Variants in LIMS2 observed in about 807,000 individuals in gnomAD.
The protein encoded by LIMS2 is LIM and senescent cell antigen-like-containing domain protein 2.
A neutral mutation model predicts 45.3 loss-of-function variants in LIMS2; 30 were observed. The observed-to-expected ratio is 0.66, with a 90% CI of 0.50 to 0.90. LIMS2 has a LOEUF of 0.90. Ranked by LOEUF, LIMS2 falls within the 40% of genes least tolerant of loss-of-function variation. The pLI is 0.00. For synonymous variants in LIMS2, 173 were observed against 188.0 expected (o/e 0.92, Z 0.65); for missense variants, 485 against 468.7 (o/e 1.03, Z -0.32).
In LIMS2 at chr2:127,675,441, C is replaced by A. The variant is rs530831269; in HGVS notation, c.-417G>T. 1.6e-3 allele frequency among the ~76,000 whole-genome samples: 237 copies of A among 151,990 alleles called. 1 individual carries two copies. The highest frequency in any genetic ancestry group is 9.4e-3 in the South Asian group (45 of 4,802). On this transcript the variant is annotated 5_prime_UTR_variant, in exon 1 of 10. Transcript: ENST00000355119. ...GTAAAGGTAGAGGGTGGGCCCCGCT[C>A]CCGCACAGCCCCAGCTCCAGGGACA... is the stretch of plus-strand genomic sequence containing the variant.
intron 4 of LIMS2, chr2:127,643,546 G>A (rs139622042): frequency 6.5e-4 from 298 of 456,676 alleles, no homozygotes; most frequent in African/African-American, 1.4e-3. Flanking sequence ...ACGTACAGGC[G>A]ATTTCTGTCT....
chr2:127,681,292 G>A (rs1434061856), intron 1 of LIMS2: 2 of 152,424 alleles, frequency 1.3e-5, no homozygotes, highest in Non-Finnish European at 2.9e-5. Flanking sequence ...GACCTCCCGG[G>A]GCCCTGTGCC....
chr2:127,645,118 G>A (rs1162894280), intron 4 of LIMS2, among the ~76,000 whole-genome samples: 2 of 152,180 alleles, frequency 1.3e-5, no homozygotes, highest in Non-Finnish European at 2.9e-5. Context: ...ACATGTGCTT[G>A]GGTTCAAATC....
At chr2:127,669,439 C>T in intron 1 of LIMS2, among the ~76,000 whole-genome samples, 1 of 152,096 alleles carries the variant, frequency 6.6e-6, no homozygotes, top group Non-Finnish European at 1.5e-5. Flanking sequence ...ATCGGCTGGG[C>T]ACGGTGGCTC....
At chr2:127,668,695 AAAAAAAAAAAAAAAAACACC>A (rs1558901429) in intron 1 of LIMS2, among the ~76,000 whole-genome samples, 8 of 117,338 alleles carry the variant, frequency 6.8e-5, no homozygotes, top group Admixed American at 1.7e-4. Flanking sequence ...AAAAAAAAAA[AAAAAAAAAAAAAAAAACACC>A]TTACTTAAAA....
At chr2:127,650,120 T>A in intron 4 of LIMS2, 1 of 1,544,484 alleles carries the variant, frequency 6.5e-7, no homozygotes, top group Non-Finnish European at 8.8e-7. Context: ...GTACAGCCCT[T>A]GCTGCCATCC....
intron 4 of LIMS2, chr2:127,650,533 G>A: frequency 3.4e-6 from 2 of 589,254 alleles, no homozygotes; most frequent in East Asian, 5.6e-5. Flanking sequence ...CTGAAGTTCA[G>A]AATGCCTCTG....
intron 1 of LIMS2, chr2:127,673,678 C>T: frequency 6.4e-7 from 1 of 1,551,500 alleles, no homozygotes; most frequent in Middle Eastern, 1.7e-4. Flanking sequence ...TCTCACCCAC[C>T]TCCACCTCAA....
rs756012858 is a variant in LIMS2, at chr2:127,654,743, G to A, written c.238+87C>T. The stretch of plus-strand genomic sequence containing the variant: ...GGGGAGTTAGGAAAGAGCTGGGCCA[G>A]TTCTGTGTACCCCCTCGGCCCCCTG... On this transcript the variant is annotated intron_variant, in intron 3 of 9. Transcript: ENST00000355119. 156 of 1,505,862 alleles carry A rather than the reference G, an allele frequency of 1.0e-4. 1 individual carries two copies. The highest frequency in any genetic ancestry group is 8.6e-4 in the Middle Eastern group (5 of 5,842). The allele number at this position is 1,505,862 out of a possible 1,614,324, so 93.3% of individuals were successfully genotyped here.
chr2:127,660,382 C>T (rs1183253333), intron 1 of LIMS2, among the ~76,000 whole-genome samples: 2 of 152,208 alleles, frequency 1.3e-5, no homozygotes, highest in African/African-American at 2.4e-5. Context: ...TTTGCTGCTG[C>T]ACGTTCTTTG....
rs1682576220 is a variant in LIMS2, at chr2:127,642,884, C to A, written c.509+39G>T. 2 of 1,543,712 alleles carry A rather than the reference C, an allele frequency of 1.3e-6. No individual in the cohort carries two copies. Among genetic ancestry groups the A allele is most frequent in the Admixed American group, 3.9e-5 (2 of 50,980 alleles). On this transcript the variant is annotated intron_variant, in intron 5 of 9. Transcript: ENST00000355119. The surrounding 1 kb of genome is among the most constrained non-coding windows in gnomAD (Gnocchi z 5.3). ...CCCTTACCCTGGGCCAGCCCTGGCT[C>A]CCCGCCCCCACAACTGCAGGGCCGG...
Position 127,657,489 on chromosome 2 carries a change from C to A in LIMS2, c.85G>T (p.Val29Phe). 6.2e-7 allele frequency: 1 copy of A among 1,613,652 alleles called. No homozygotes were observed. The highest frequency in any genetic ancestry group is 8.5e-7 in the Non-Finnish European group (1 of 1,179,958). ...QARFSPAERI[V>F]NSNGELYHEH... Reference sequence around the variant, plus strand: ...TGGTACAGCTCCCCATTGCTGTTGACAATGCGCTCGGCGGGGGAGAAGCGG... The same window carrying A: ...TGGTACAGCTCCCCATTGCTGTTGAAAATGCGCTCGGCGGGGGAGAAGCGG... The change falls in exon 2 of 10, where the codon GTC (valine) becomes TTC (phenylalanine). Residue 29 changes from valine to phenylalanine, a missense_variant. By Grantham distance (50) the Val-to-Phe change is conservative (BLOSUM62 -1). Coordinates refer to ENST00000355119, the MANE Select transcript of LIMS2 (RefSeq NM_001161403.3).
At chr2:127,640,213 G>A in intron 8 of LIMS2, 57 bp downstream of exon 8, 9 of 1,612,300 alleles carry the variant, frequency 5.6e-6, no homozygotes, top group East Asian at 2.2e-5. Context: ...GCTCACAGCT[G>A]CAGCACCCAG....
chr2:127,654,828 A>G lies in LIMS2; in HGVS notation c.238+2T>C. 6.2e-7 allele frequency: 1 copy of G among 1,614,102 alleles called. No individual in the cohort carries two copies. The highest frequency in any genetic ancestry group is 8.5e-7 in the Non-Finnish European group (1 of 1,179,976). Reference sequence around the variant, plus strand: ...CAGGATGTGTACTGTCACCGGCCTTACCGCAGGATCCACAGCACGGAGCAA... The same window carrying G: ...CAGGATGTGTACTGTCACCGGCCTTGCCGCAGGATCCACAGCACGGAGCAA... On this transcript the variant is annotated splice_donor_variant, in intron 3 of 9. Transcript: ENST00000355119. LOFTEE classifies it high-confidence loss of function.
At chr2:127,643,891 T>C (rs972326967) in intron 4 of LIMS2, among the ~76,000 whole-genome samples, 3 of 152,020 alleles carry the variant, frequency 2.0e-5, no homozygotes, top group African/African-American at 7.2e-5. Flanking sequence ...AGGGGCCCTC[T>C]CCACTCCTCA....
chr2:127,641,967 G>A (rs1682457367), intron 6 of LIMS2, 82 bp downstream of exon 6: 2 of 1,476,310 alleles, frequency 1.4e-6, no homozygotes, highest in African/African-American at 1.4e-5. Context: ...CTGGGAGTGT[G>A]GAGGAGCTTT....
intron 2 of LIMS2, 139 bp downstream of exon 2, chr2:127,657,264 A>G (rs1684319046): frequency 3.2e-6 from 3 of 935,752 alleles, no homozygotes; most frequent in Non-Finnish European, 4.9e-6. Flanking sequence ...GGGCCCGTGC[A>G]GGAGCTCAAG....
intron 1 of LIMS2, among the ~76,000 whole-genome samples, chr2:127,660,450 C>T (rs781152351): frequency 1.3e-5 from 2 of 152,178 alleles, no homozygotes; most frequent in South Asian, 2.1e-4. Context: ...AGTTTCAATC[C>T]TGAAGCCAGC....
rs1464390699 is a variant in LIMS2 at position 127,640,704 on chromosome 2, G to C, written c.753+192C>G. 5 of 609,368 alleles carry C rather than the reference G, an allele frequency of 8.2e-6. No homozygotes were observed. The Admixed American group carries it at 1.2e-4, about 14-fold the overall frequency. 37.7% of individuals were successfully genotyped at this position (609,368 alleles called of 1,614,324 possible). ...CACCAGCCCCAGAACATTCTTCAAAGGAAGACACTGAGACTGAAGAGAGCT... is the reference window on the plus strand; with the variant it reads ...CACCAGCCCCAGAACATTCTTCAAACGAAGACACTGAGACTGAAGAGAGCT... On this transcript the variant is annotated intron_variant, in intron 7 of 9. Coordinates refer to ENST00000355119, the MANE Select transcript of LIMS2 (RefSeq NM_001161403.3).
Sources: allele counts gnomAD v4.1 joint callset (sites outside exome capture counted in the v4.1 genomes callset), GRCh38; gene constraint gnomAD v4.1.1; non-coding constraint Gnocchi (gnomAD v3.1); transcripts MANE v1.5; gene names NCBI Gene and HGNC (gene_info 2026-07-23, HGNC 2026-07-21).